CSNK2A2IP: variants seen among roughly 807,000 people sequenced by gnomAD.
CSNK2A2IP encodes casein kinase II subunit alpha'-interacting protein.
the CSNK2A2IP span, among the ~76,000 whole-genome samples, chr3:88,383,480 G>C: frequency 3.4e-4 from 52 of 152,220 alleles, no homozygotes; most frequent in African/African-American, 1.2e-3. Context: ...GCAGAGTCAA[G>C]TCTTCATTAT....
the CSNK2A2IP span, among the ~76,000 whole-genome samples, chr3:88,462,896 T>TAAG: frequency 4.6e-5 from 7 of 152,292 alleles, no homozygotes; most frequent in African/African-American, 1.7e-4. Flanking sequence ...GCAAAAAAAT[T>TAAG]AAGAAGTTAA....
At chr3:88,355,179 G>T in the CSNK2A2IP span, among the ~76,000 whole-genome samples, 1 of 152,136 alleles carries the variant, frequency 6.6e-6, no homozygotes. Flanking sequence ...GTTAAAGGCA[G>T]ATTTCAAGAA....
chr3:88,354,131 C>T, the CSNK2A2IP span, among the ~76,000 whole-genome samples: 2 of 152,144 alleles, frequency 1.3e-5, no homozygotes, highest in South Asian at 2.1e-4. Context: ...TTTCCTGAGG[C>T]CCTCATCAGA....
chr3:88,360,139 C>CT, the CSNK2A2IP span, among the ~76,000 whole-genome samples: 362 of 140,346 alleles, frequency 2.6e-3, 1 homozygote, highest in African/African-American at 5.3e-3. Context: ...GAGTTTTTGT[C>CT]TTTTTTTTTT....
the CSNK2A2IP span, among the ~76,000 whole-genome samples, chr3:88,374,667 T>A: frequency 1.3e-5 from 2 of 151,696 alleles, no homozygotes; most frequent in African/African-American, 4.8e-5. Context: ...TTAATTATGC[T>A]ACAGCCAAAC....
At chr3:88,458,978 G>T in the CSNK2A2IP span, among the ~76,000 whole-genome samples, 3 of 152,128 alleles carry the variant, frequency 2.0e-5, no homozygotes, top group Non-Finnish European at 4.4e-5. Context: ...ATGAATATCA[G>T]TTAGCTCAAG....
At chr3:88,380,209 G>A in the CSNK2A2IP span, among the ~76,000 whole-genome samples, 1 of 151,724 alleles carries the variant, frequency 6.6e-6, no homozygotes, top group Non-Finnish European at 1.5e-5. Flanking sequence ...TTAAAAAAAA[G>A]CAAAAATAAT....
At chr3:88,456,623 G>A in the CSNK2A2IP span, among the ~76,000 whole-genome samples, 1 of 145,144 alleles carries the variant, frequency 6.9e-6, no homozygotes, top group Non-Finnish European at 1.5e-5. Context: ...GTATGATTAT[G>A]TTATCTGCAG....
At chr3:88,459,248 T>C in the CSNK2A2IP span, among the ~76,000 whole-genome samples, 1 of 152,106 alleles carries the variant, frequency 6.6e-6, no homozygotes, top group African/African-American at 2.4e-5. Flanking sequence ...CTCAAAACTT[T>C]CAAGCACCCT....
chr3:88,439,448 A>G, the CSNK2A2IP span, among the ~76,000 whole-genome samples: 1 of 152,030 alleles, frequency 6.6e-6, no homozygotes, highest in African/African-American at 2.4e-5. Flanking sequence ...ACTTTTAAAG[A>G]TCATGGAAGA....
At chr3:88,407,622 T>C in the CSNK2A2IP span, among the ~76,000 whole-genome samples, 1 of 152,220 alleles carries the variant, frequency 6.6e-6, no homozygotes, top group African/African-American at 2.4e-5. Context: ...TTTACTTTTT[T>C]AAATGGCTTA....
the CSNK2A2IP span, chr3:88,466,639 C>A: frequency 8.1e-7 from 1 of 1,228,408 alleles, no homozygotes; most frequent in South Asian, 4.1e-5. Context: ...TGGAACTGTC[C>A]CTGATGATGT....
the CSNK2A2IP span, among the ~76,000 whole-genome samples, chr3:88,458,392 C>A: frequency 6.6e-6 from 1 of 152,072 alleles, no homozygotes; most frequent in Non-Finnish European, 1.5e-5. Context: ...CTCAAGTGAT[C>A]CTCTTGCCTT....
the CSNK2A2IP span, among the ~76,000 whole-genome samples, chr3:88,391,527 G>T: frequency 6.6e-6 from 1 of 152,142 alleles, no homozygotes; most frequent in Non-Finnish European, 1.5e-5. Context: ...GCAAATCTAA[G>T]CTGCAATAGT....
the CSNK2A2IP span, among the ~76,000 whole-genome samples, chr3:88,445,299 A>AAAAAAAAAAAAAAAAC: frequency 6.7e-6 from 1 of 149,158 alleles, no homozygotes; most frequent in Non-Finnish European, 1.5e-5. Context: ...AAAAAAAAAA[A>AAAAAAAAAAAAAAAAC]ATTAGCCAGG....
the CSNK2A2IP span, among the ~76,000 whole-genome samples, chr3:88,454,520 T>A: frequency 1.3e-5 from 2 of 151,902 alleles, no homozygotes; most frequent in South Asian, 2.1e-4. Context: ...TTTAAAAAAA[T>A]TTTTGTTCCA....
At chr3:88,377,111 G>A in the CSNK2A2IP span, among the ~76,000 whole-genome samples, 11 of 151,774 alleles carry the variant, frequency 7.2e-5, no homozygotes, top group Non-Finnish European at 1.2e-4. Context: ...GCAATGGGTT[G>A]GTGATTTATA....
the CSNK2A2IP span, among the ~76,000 whole-genome samples, chr3:88,343,547 T>TA: frequency 2.0e-5 from 3 of 152,070 alleles, no homozygotes; most frequent in East Asian, 3.9e-4. Flanking sequence ...TGCCATTTGA[T>TA]AAAAAATGAC....
chr3:88,429,794 C>T, the CSNK2A2IP span, among the ~76,000 whole-genome samples: 1 of 152,106 alleles, frequency 6.6e-6, no homozygotes, highest in African/African-American at 2.4e-5. Context: ...GTTCTGTCGC[C>T]CAGGCTGGAG....
Sources: allele counts gnomAD v4.1 joint callset (sites outside exome capture counted in the v4.1 genomes callset), GRCh38; gene constraint gnomAD v4.1.1; transcripts MANE v1.5; gene names NCBI Gene and HGNC (gene_info 2026-07-23, HGNC 2026-07-21).